The following SACM1L variants were observed in gnomAD, a reference collection of about 807,000 sequenced individuals.
SACM1L encodes the protein phosphatidylinositol-3-phosphatase SAC1.
In SACM1L, 32 loss-of-function variants were observed where a neutral mutation model predicts 89.5. The ratio of observed to expected loss-of-function variants is 0.36; its 90% CI spans 0.27 to 0.48. The LOEUF is 0.48. Among genes scored for constraint, SACM1L ranks in the 20% least tolerant of loss-of-function variants. The probability of loss-of-function intolerance (pLI) is 0.99; values close to 1 mark genes in which losing one functional copy is unlikely to be tolerated. For synonymous variants in SACM1L, 213 were observed against 232.8 expected, an observed-to-expected ratio of 0.92 and a Z score of 0.77; for missense variants, 543 against 708.5, an observed-to-expected ratio of 0.77 and a Z score of 2.65.
chr3:45,734,564 C>CT (rs1699156021), intron 13 of SACM1L: 1 of 151,994 alleles, frequency 6.6e-6, no homozygotes, highest in Non-Finnish European at 1.5e-5. Context: ...TCAAGTGATC[C>CT]TCCCACTTTA....
chr3:45,729,253 A>T (rs1361857779), intron 11 of SACM1L, among the ~76,000 whole-genome samples: 2 of 87,430 alleles, frequency 2.3e-5, no homozygotes, highest in African/African-American at 4.8e-5. Context: ...CACCCAGCTA[A>T]TTTTTTTATT....
intron 13 of SACM1L, among the ~76,000 whole-genome samples, chr3:45,732,837 T>C (rs1699107179): frequency 6.6e-6 from 1 of 152,234 alleles, no homozygotes; most frequent in South Asian, 2.1e-4. Flanking sequence ...TACCATTTTC[T>C]TCTGCCTGTG....
At chr3:45,693,154 TAAAC>T (rs1330707433) in intron 1 of SACM1L, among the ~76,000 whole-genome samples, 4 of 152,152 alleles carry the variant, frequency 2.6e-5, no homozygotes, top group Non-Finnish European at 5.9e-5. Flanking sequence ...TATACATACA[TAAAC>T]AAGAAAAGGT....
chr3:45,731,766 G>A (rs577762301), intron 12 of SACM1L, among the ~76,000 whole-genome samples: 29 of 152,182 alleles, frequency 1.9e-4, no homozygotes, highest in African/African-American at 6.7e-4. Flanking sequence ...TCCTCCTGAG[G>A]GCCCCAGAAG....
At chr3:45,742,149 G>T (rs1268204988) in intron 19 of SACM1L, among the ~76,000 whole-genome samples, 1 of 152,218 alleles carries the variant, frequency 6.6e-6, no homozygotes, top group Non-Finnish European at 1.5e-5. Context: ...TTCCTTTAGG[G>T]AGTGTCCAGC....
At chr3:45,739,552 C>CT in intron 18 of SACM1L, 35 bp from the exon 19 acceptor site, 1 of 1,604,916 alleles carries the variant, frequency 6.2e-7, no homozygotes, top group Admixed American at 1.7e-5. Context: ...GATTAGCATT[C>CT]TTAAATGATG....
At chr3:45,739,142 A>G (rs373458195) in intron 18 of SACM1L, among the ~76,000 whole-genome samples, 242 of 152,324 alleles carry the variant, frequency 1.6e-3, no homozygotes, top group African/African-American at 5.0e-3. Flanking sequence ...GAAAACTTCA[A>G]TTCTCTTACA....
rs1698391088 is a variant in SACM1L, at chr3:45,706,352, A to G, written c.206-428A>G. 2.6e-5 allele frequency among the ~76,000 whole-genome samples: 4 copies of G among 152,212 alleles called. No individual in the cohort carries two copies. In the South Asian group the frequency reaches 8.3e-4, roughly 31 times the overall value. On this transcript the variant is annotated intron_variant, in intron 3 of 19. Transcript: ENST00000389061. ...ATTTCTCTACCATTTAGAGAGAGAC[A>G]TGAAGGACATAGGAGTGGTGTGGAA... is the stretch of plus-strand genomic sequence containing the variant.
Position 45,717,724 on chromosome 3 carries a change from T to C in SACM1L, c.578-1776T>C, listed in dbSNP as rs187306293. ...AAACCTTTCTGTCATACCCCCCTGC[T>C]CCCCAGCCACAGTGTGGCATACATT... On this transcript the variant is annotated intron_variant, in intron 7 of 19. Transcript: ENST00000389061. Among the ~76,000 whole-genome samples, 926 of 152,290 alleles carry C rather than the reference T, an allele frequency of 6.1e-3. 10 individuals are homozygous for C. Among genetic ancestry groups the C allele is most frequent in the African/African-American group, 0.022 (897 of 41,558 alleles).
chr3:45,694,409 A>G (rs2742426), intron 1 of SACM1L, among the ~76,000 whole-genome samples: 73,338 of 152,044 alleles, frequency 0.48, 18,237 homozygotes, highest in Middle Eastern at 0.57. Flanking sequence ...AATCTGTTCA[A>G]TATAATGAAC....
chr3:45,713,965 C>A (rs906515890), intron 6 of SACM1L, 81 bp from the exon 7 acceptor site: 2 of 687,668 alleles, frequency 2.9e-6, no homozygotes, highest in African/African-American at 1.9e-5. Context: ...TTGTATATTA[C>A]CTCCCTATGT....
rs950003613 is a variant in SACM1L at position 45,705,117 on chromosome 3, C to G, written c.131-18C>G. 4 of 1,560,764 alleles carry G rather than the reference C, an allele frequency of 2.6e-6. No individual in the cohort carries two copies. Among genetic ancestry groups the G allele is most frequent in the Non-Finnish European group, 3.5e-6 (4 of 1,142,796 alleles). ...AGCTTTTTGTATGTGATTTTTCTTTCTTTCCTTTCTTTTAAAGTCAAGAAA... is the reference window on the plus strand; with the variant it reads ...AGCTTTTTGTATGTGATTTTTCTTTGTTTCCTTTCTTTTAAAGTCAAGAAA... On this transcript the variant is annotated intron_variant, in intron 2 of 19. Transcript: ENST00000389061.
intron 1 of SACM1L, among the ~76,000 whole-genome samples, chr3:45,702,583 T>G (rs1698300157): frequency 6.6e-6 from 1 of 152,236 alleles, no homozygotes. Context: ...CTTGGAGTTC[T>G]ACTTCAGTCT....
intron 4 of SACM1L, chr3:45,707,157 CAG>C (rs1698418539): frequency 3.3e-6 from 1 of 306,980 alleles, no homozygotes; most frequent in Admixed American, 4.9e-5. Flanking sequence ...GAAGGGAAAA[CAG>C]AAATGCACGG....
At chr3:45,740,736 A>T (rs1469152672) in intron 19 of SACM1L, among the ~76,000 whole-genome samples, 1 of 152,144 alleles carries the variant, frequency 6.6e-6, no homozygotes, top group African/African-American at 2.4e-5. Flanking sequence ...TTTTTTTCAA[A>T]AGTGAGATAC....
In SACM1L at chr3:45,717,037, T is replaced by C. The variant is rs149420324; in HGVS notation, c.578-2463T>C. 4.1e-3 allele frequency among the ~76,000 whole-genome samples: 630 copies of C among 152,298 alleles called. 3 individuals carry two copies. The highest frequency in any genetic ancestry group is 0.014 in the African/African-American group (575 of 41,554). The stretch of plus-strand genomic sequence containing the variant: ...TTTTTGTGCCCTGGCTCGAAATAGA[T>C]AATTTGGGTAAGGGAGCAAATATTA... On this transcript the variant is annotated intron_variant, in intron 7 of 19. Transcript: ENST00000389061.
At chr3:45,692,073 G>A (rs1698006733) in intron 1 of SACM1L, among the ~76,000 whole-genome samples, 2 of 152,162 alleles carry the variant, frequency 1.3e-5, no homozygotes, top group South Asian at 2.1e-4. Context: ...AAACTTGGGT[G>A]TTATTTTGAT....
chr3:45,693,060 G>A (rs1698034324), intron 1 of SACM1L, among the ~76,000 whole-genome samples: 1 of 152,172 alleles, frequency 6.6e-6, no homozygotes, highest in Admixed American at 6.5e-5. Context: ...ATAGCCAGTT[G>A]TTCCTAGGCT....
chr3:45,724,897 T>A (rs539727762), intron 11 of SACM1L, among the ~76,000 whole-genome samples: 1 of 152,192 alleles, frequency 6.6e-6, no homozygotes, highest in East Asian at 1.9e-4. Flanking sequence ...AACTTCATTC[T>A]TTTGCATATG....
Sources: allele counts gnomAD v4.1 joint callset (sites outside exome capture counted in the v4.1 genomes callset), GRCh38; gene constraint gnomAD v4.1.1; transcripts MANE v1.5; gene names NCBI Gene and HGNC (gene_info 2026-07-23, HGNC 2026-07-21).